PCDH9: variants seen among roughly 807,000 people sequenced by gnomAD.
The protein encoded by PCDH9 is protocadherin-9.
In PCDH9, 24 loss-of-function variants were observed where a neutral mutation model predicts 70.6. The ratio of observed to expected loss-of-function variants is 0.34; its 90% CI spans 0.25 to 0.48. The LOEUF is 0.48. Ranked by LOEUF, PCDH9 falls within the 20% of genes least tolerant of loss-of-function variation. The pLI, the probability that PCDH9 is intolerant of heterozygous loss-of-function variation, is 0.99. For missense variants in PCDH9, 1,281 were observed against 1,503.6 expected, an observed-to-expected ratio of 0.85 and a Z score of 2.45; for synonymous variants, 562 against 558.5, an observed-to-expected ratio of 1.01 and a Z score of -0.09.
intron 4 of PCDH9, among the ~76,000 whole-genome samples, chr13:66,444,624 G>T (rs1958036854): frequency 6.6e-6 from 1 of 152,018 alleles, no homozygotes; most frequent in Non-Finnish European, 1.5e-5. Flanking sequence ...GCAGTGGCAC[G>T]ATGTCGGCTC....
At chr13:67,154,595 A>AAAT (rs1555313195) in intron 2 of PCDH9, among the ~76,000 whole-genome samples, 11 of 89,006 alleles carry the variant, frequency 1.2e-4, no homozygotes, top group African/African-American at 4.0e-4. Context: ...AAAAAAAAAA[A>AAAT]ATATATATAT....
intron 4 of PCDH9, among the ~76,000 whole-genome samples, chr13:66,519,410 T>A (rs1959887530): frequency 6.6e-6 from 1 of 152,048 alleles, no homozygotes; most frequent in Non-Finnish European, 1.5e-5. Flanking sequence ...TTTATGATGA[T>A]CAAACTGACC....
At chr13:66,890,348 A>G (rs189479834) in intron 3 of PCDH9, among the ~76,000 whole-genome samples, 4 of 152,180 alleles carry the variant, frequency 2.6e-5, no homozygotes, top group East Asian at 1.9e-4. Flanking sequence ...TGAGTTCTGA[A>G]AAACACATGT....
intron 4 of PCDH9, among the ~76,000 whole-genome samples, chr13:66,331,482 G>A (rs1013841089): frequency 1.4e-4 from 21 of 152,176 alleles, no homozygotes; most frequent in Admixed American, 7.2e-4. Flanking sequence ...GCCTATCCAC[G>A]TGCATTAAGG....
chr13:66,504,083 A>T lies in PCDH9; in HGVS notation c.3340+127127T>A, dbSNP rs76471575. Among the ~76,000 whole-genome samples the T allele has an allele frequency of 7.0e-3, 1,068 of 152,120 alleles. 35 individuals are homozygous for T. The East Asian group carries it at 0.092, about 13-fold the overall frequency. On this transcript the variant is annotated intron_variant, in intron 4 of 4. Coordinates refer to ENST00000377865, the MANE Select transcript of PCDH9 (RefSeq NM_203487.3). ...CTGCTCCGTAAACACAACCACCCTT[A>T]ATTCCCTGCCTCTCCCAGCTGAGTC...
intron 4 of PCDH9, among the ~76,000 whole-genome samples, chr13:66,623,311 TGA>T (rs1311979282): frequency 6.6e-6 from 1 of 152,240 alleles, no homozygotes; most frequent in Admixed American, 6.5e-5. Context: ...GTGATTGTGT[TGA>T]GTCATGTACT....
chr13:67,134,065 T>C (rs1053679528), intron 2 of PCDH9, among the ~76,000 whole-genome samples: 9 of 152,134 alleles, frequency 5.9e-5, no homozygotes, highest in Non-Finnish European at 1.0e-4. Context: ...ATAATTGATA[T>C]TGAACAATTT....
intron 4 of PCDH9, among the ~76,000 whole-genome samples, chr13:66,497,128 C>A (rs1050637184): frequency 6.6e-6 from 1 of 151,772 alleles, no homozygotes; most frequent in South Asian, 2.1e-4. Context: ...AGTGTAATGG[C>A]GGGATCTTGG....
chr13:66,918,667 A>G (rs759639925), intron 2 of PCDH9, among the ~76,000 whole-genome samples: 25 of 151,240 alleles, frequency 1.7e-4, no homozygotes, highest in Admixed American at 9.3e-4. Context: ...CATAAATAAA[A>G]TAGACCCACT....
chr13:66,800,817 T>C (rs2080314732), intron 3 of PCDH9, among the ~76,000 whole-genome samples: 1 of 152,104 alleles, frequency 6.6e-6, no homozygotes, highest in African/African-American at 2.4e-5. Flanking sequence ...TATTCCTAAT[T>C]TTCCTCACTT....
At chr13:66,527,355 T>C (rs1027812147) in intron 4 of PCDH9, among the ~76,000 whole-genome samples, 2 of 152,112 alleles carry the variant, frequency 1.3e-5, no homozygotes, top group African/African-American at 4.8e-5. Flanking sequence ...CACCTCTCTT[T>C]GAATTCATCA....
chr13:67,224,090 A>G (rs2089792174), intron 2 of PCDH9: 1 of 152,230 alleles, frequency 6.6e-6, no homozygotes, highest in African/African-American at 2.4e-5. Flanking sequence ...AGACTAATCA[A>G]TGATAACTGT....
rs1956587858 is a variant in PCDH9, at chr13:66,368,428, T to G, written c.3341-63400A>C. 2.6e-5 allele frequency among the ~76,000 whole-genome samples: 4 copies of G among 152,102 alleles called. No individual in the cohort carries two copies. In the South Asian group the frequency reaches 6.2e-4, roughly 24 times the overall value. On this transcript the variant is annotated intron_variant, in intron 4 of 4. Transcript: ENST00000377865. ...CCTTTTAGTGCTCAATTATTAGGCTTACTAAAATAAGTGACACCCCCAATT... is the reference window on the plus strand; with the variant it reads ...CCTTTTAGTGCTCAATTATTAGGCTGACTAAAATAAGTGACACCCCCAATT...
intron 3 of PCDH9, among the ~76,000 whole-genome samples, chr13:66,750,176 A>T (rs1300736564): frequency 6.6e-6 from 1 of 152,188 alleles, no homozygotes; most frequent in Non-Finnish European, 1.5e-5. Flanking sequence ...AATTTTAGAT[A>T]AAGAGGAAGG....
intron 3 of PCDH9, among the ~76,000 whole-genome samples, chr13:66,680,812 A>T (rs2078308968): frequency 1.3e-5 from 2 of 152,028 alleles, no homozygotes; most frequent in Admixed American, 1.3e-4. Context: ...GATTAATATA[A>T]ATGTTATGTT....
intron 4 of PCDH9, among the ~76,000 whole-genome samples, chr13:66,437,827 G>T (rs549675550): frequency 2.6e-5 from 4 of 152,088 alleles, no homozygotes; most frequent in Non-Finnish European, 4.4e-5. Flanking sequence ...TACTTATGTT[G>T]ACTAAAAGAC....
At chr13:67,024,340 T>C (rs890708312) in intron 2 of PCDH9, among the ~76,000 whole-genome samples, 2 of 152,270 alleles carry the variant, frequency 1.3e-5, no homozygotes, top group East Asian at 3.9e-4. Flanking sequence ...TCAATGGCCA[T>C]GGGTCATCGT....
At chr13:66,726,053 T>C (rs1390518567) in intron 3 of PCDH9, among the ~76,000 whole-genome samples, 5 of 152,196 alleles carry the variant, frequency 3.3e-5, no homozygotes, top group Admixed American at 1.3e-4. Flanking sequence ...ATGGGTGAGC[T>C]AGATAGGATA....
chr13:66,560,752 A>G (rs1254205478), intron 4 of PCDH9, among the ~76,000 whole-genome samples: 1 of 152,174 alleles, frequency 6.6e-6, no homozygotes, highest in Non-Finnish European at 1.5e-5. Flanking sequence ...AACTTAAAAT[A>G]CCTCTTTGAT....
Sources: gnomAD v4.1 joint callset for allele counts (sites outside exome capture counted in the v4.1 genomes callset) on GRCh38, gnomAD v4.1.1 for gene constraint, MANE v1.5 for transcripts, NCBI Gene and HGNC (gene_info 2026-07-23, HGNC 2026-07-21) for gene names.